ZNF665: variants seen among roughly 807,000 people sequenced by gnomAD.
ZNF665 encodes zinc finger protein 665.
In ZNF665, 6 loss-of-function variants were observed where a neutral mutation model predicts 7.9. The ratio of observed to expected loss-of-function variants is 0.76; its 90% CI spans 0.42 to 1.50. The LOEUF is 1.50. ZNF665 is among the 40% of genes most tolerant of loss of function. The pLI is 0.01. For missense variants in ZNF665, 819 were observed against 806.7 expected (o/e 1.02, Z -0.18); for synonymous variants, 242 against 274.5 (o/e 0.88, Z 1.17).
chr19:53,171,504 G>GTATATATATATATATATA (rs1555804176), intron 3 of ZNF665, among the ~76,000 whole-genome samples: 1 of 57,776 alleles, frequency 1.7e-5, no homozygotes, highest in Non-Finnish European at 3.3e-5. Context: ...GTGTGTGTGT[G>GTATATATATATATATATA]TATATATATA....
At chr19:53,172,064 A>AT (rs931745047) in intron 3 of ZNF665, among the ~76,000 whole-genome samples, 6 of 152,114 alleles carry the variant, frequency 3.9e-5, no homozygotes, top group Non-Finnish European at 5.9e-5. Flanking sequence ...AGATTTGTGT[A>AT]TTTTTTATGG....
intron 2 of ZNF665, among the ~76,000 whole-genome samples, chr19:53,177,536 C>CAAACAAAACAAAACAAAACA (rs150554635): frequency 1.3e-5 from 2 of 149,222 alleles, no homozygotes; most frequent in East Asian, 2.0e-4. Flanking sequence ...AACAGGGAGA[C>CAAACAAAACAAAACAAAACA]AAACAAAACA....
intron 3 of ZNF665, among the ~76,000 whole-genome samples, chr19:53,168,438 G>A (rs1207622251): frequency 6.6e-6 from 1 of 152,098 alleles, no homozygotes; most frequent in Non-Finnish European, 1.5e-5. Context: ...ATATTGCAGA[G>A]AGGAATTAAA....
At chr19:53,167,310 G>C (rs1053478182) in intron 3 of ZNF665, among the ~76,000 whole-genome samples, 1 of 151,672 alleles carries the variant, frequency 6.6e-6, no homozygotes, top group Admixed American at 6.6e-5. Flanking sequence ...CCCAACAGTT[G>C]TATTTCTTAC....
intron 3 of ZNF665, among the ~76,000 whole-genome samples, chr19:53,168,055 CAAAAAAAAAA>C (rs57521729): frequency 1.5e-5 from 1 of 66,402 alleles, no homozygotes; most frequent in Non-Finnish European, 2.7e-5. Context: ...GACTCCCTCT[CAAAAAAAAAA>C]AAAAAAAAAA....
At chr19:53,175,141 C>A (rs1487041914) in intron 3 of ZNF665, among the ~76,000 whole-genome samples, 1 of 152,156 alleles carries the variant, frequency 6.6e-6, no homozygotes, top group Non-Finnish European at 1.5e-5. Flanking sequence ...ACGCAGATAT[C>A]TAGCTTTCTT....
chr19:53,171,530 TTTTTTTTTTTC>T lies in ZNF665; in HGVS notation c.142+3904_142+3914del, dbSNP rs961734910. On this transcript the variant is annotated intron_variant, in intron 3 of 3. Coordinates refer to ENST00000396424, the MANE Select transcript of ZNF665 (RefSeq NM_024733.5). Reference sequence around the variant, plus strand: ...TATATATATATATATATATATTTTTTTTTTTTTTTTCTTTTTTTAGACGGAGTCTCACTGTG... The same window carrying T: ...TATATATATATATATATATATTTTTTTTTTTTTAGACGGAGTCTCACTGTG... Among the ~76,000 whole-genome samples the T allele has an allele frequency of 3.4e-4, 26 of 75,712 alleles. 1 individual carries two copies. The East Asian group carries it at 9.4e-3, about 27-fold the overall frequency. 49.7% of individuals were successfully genotyped at this position (75,712 alleles called of 152,430 possible).
chr19:53,176,349 C>T (rs1018650812), intron 2 of ZNF665, among the ~76,000 whole-genome samples: 1 of 152,054 alleles, frequency 6.6e-6, no homozygotes, highest in African/African-American at 2.4e-5. Flanking sequence ...TTCTGAGGAG[C>T]ATCTGGGACA....
Position 53,175,524 on chromosome 19 carries a change from C to G in ZNF665, c.63G>C (p.Glu21Asp). 1 of 1,611,738 alleles carries G rather than the reference C, an allele frequency of 6.2e-7. No homozygotes were observed. Among genetic ancestry groups the G allele is most frequent in the East Asian group, 2.2e-5 (1 of 44,750 alleles). The stretch of plus-strand genomic sequence containing the variant: ...TCTGAGCAGGGTCCAGGCATGTCCA[C>G]TCCTCCTGAGAGAATTCTATGGCCA... ...KDVAIEFSQE[E>D]WTCLDPAQKT... The change falls in exon 3 of 4, where the codon GAG becomes GAC. Residue 21 changes from glutamate (E) to aspartate (D), a missense_variant. Physicochemically the swap from Glu to Asp is conservative, Grantham distance 45. Coordinates refer to ENST00000396424, the MANE Select transcript of ZNF665 (RefSeq NM_024733.5).
chr19:53,175,414 A>T (rs1285038243), intron 3 of ZNF665, 31 bp downstream of exon 3: 1 of 1,599,538 alleles, frequency 6.3e-7, no homozygotes, highest in Non-Finnish European at 8.5e-7. Context: ...ACGAGAACAG[A>T]CCCTGACTTC....
At chr19:53,188,989 T>G (rs1302223430) in intron 1 of ZNF665, among the ~76,000 whole-genome samples, 14 of 151,962 alleles carry the variant, frequency 9.2e-5, no homozygotes. Flanking sequence ...TGAGCCACCA[T>G]GCCCAGCCTT....
intron 3 of ZNF665, among the ~76,000 whole-genome samples, chr19:53,175,062 C>T (rs917829593): frequency 1.3e-5 from 2 of 151,478 alleles, no homozygotes; most frequent in African/African-American, 2.4e-5. Flanking sequence ...AAACTGTAGA[C>T]GGATTTGGAA....
chr19:53,172,731 A>T (rs1043276042), intron 3 of ZNF665, among the ~76,000 whole-genome samples: 2 of 149,810 alleles, frequency 1.3e-5, no homozygotes, highest in African/African-American at 2.4e-5. Flanking sequence ...AGGCTGAGGC[A>T]GGAGAATCAC....
Position 53,164,727 on chromosome 19 carries a change from T to C in ZNF665, c.1763A>G (p.His588Arg), listed in dbSNP as rs893165100. 4 of 1,614,216 alleles carry C rather than the reference T, an allele frequency of 2.5e-6. No homozygotes were observed. Among genetic ancestry groups the C allele is most frequent in the Non-Finnish European group, 3.4e-6 (4 of 1,180,036 alleles). ...TTTTTCTCCAGTATGGATGACCTGA[T>C]GGGTAGCTAGGTTTGAATGTACACT... The part of the protein sequence containing the change: ...AFSVHSNLAT[H>R]QVIHTGEKPY... Residue 588 changes from histidine to arginine, a missense_variant, in exon 4 of 4, where the codon CAT (histidine) becomes CGT (arginine). His to Arg is a conservative substitution (Grantham distance 29). Coordinates refer to ENST00000396424, the MANE Select transcript of ZNF665 (RefSeq NM_024733.5).
chr19:53,163,568 G>A lies in ZNF665; in HGVS notation c.*885C>T, dbSNP rs1327022689. On this transcript the variant is annotated 3_prime_UTR_variant, in exon 4 of 4. Transcript: ENST00000396424. ...CCCTTCCATCCTTTGATTCTTTCCC[G>A]AACAACACCATGTTAGGCGTATAAT... The A allele has an allele frequency of 2.0e-5, 3 of 152,064 alleles. No individual in the cohort carries two copies. In the East Asian group the frequency reaches 5.8e-4, roughly 29 times the overall value. 9.4% of individuals were successfully genotyped at this position (152,064 alleles called of 1,614,324 possible).
chr19:53,190,368 C>T (rs1400443814), intron 1 of ZNF665: 1 of 152,228 alleles, frequency 6.6e-6, no homozygotes, highest in Non-Finnish European at 1.5e-5. Context: ...TTGTCACACT[C>T]AACCCAGAAT....
At chr19:53,167,816 GGAGGCCGAGGCGGGTGGATCAC>G (rs1036599447) in intron 3 of ZNF665, among the ~76,000 whole-genome samples, 7 of 148,910 alleles carry the variant, frequency 4.7e-5, no homozygotes, top group South Asian at 2.1e-4. Flanking sequence ...CAGCACTTTG[GGAGGCCGAGGCGGGTGGATCAC>G]GAGGTCAGGA....
At chr19:53,182,750 T>C in intron 2 of ZNF665, 134 bp downstream of exon 2, 6 of 1,438,702 alleles carry the variant, frequency 4.2e-6, no homozygotes, top group Non-Finnish European at 5.8e-6. Flanking sequence ...TGAGAGGGAC[T>C]GAGGGAAGGC....
At chr19:53,172,309 T>C (rs1390890413) in intron 3 of ZNF665, among the ~76,000 whole-genome samples, 1 of 152,110 alleles carries the variant, frequency 6.6e-6, no homozygotes, top group Non-Finnish European at 1.5e-5. Context: ...CTGGATAATA[T>C]AGTACTTTTA....
Sources: allele counts gnomAD v4.1 joint callset (sites outside exome capture counted in the v4.1 genomes callset), GRCh38; gene constraint gnomAD v4.1.1; transcripts MANE v1.5; gene names NCBI Gene and HGNC (gene_info 2026-07-23, HGNC 2026-07-21).